EIF4G3: variants seen among roughly 807,000 people sequenced by gnomAD.
The protein encoded by EIF4G3 is eIF-4-gamma 3.
In EIF4G3, 34 loss-of-function variants were observed where a neutral mutation model predicts 186.4. The observed-to-expected ratio is 0.18, with a 90% confidence interval of 0.14 to 0.24. The LOEUF is 0.24. Among genes scored for constraint, EIF4G3 ranks in the 10% least tolerant of loss-of-function variants. EIF4G3 has a pLI of 1.00. For synonymous variants in EIF4G3, 673 were observed against 679.5 expected, an observed-to-expected ratio of 0.99 and a Z score of 0.15; for missense variants, 1,536 against 1,948.5, an observed-to-expected ratio of 0.79 and a Z score of 3.99.
intron 15 of EIF4G3, among the ~76,000 whole-genome samples, chr1:20,902,842 T>C (rs1307196605): frequency 6.6e-6 from 1 of 152,172 alleles, no homozygotes; most frequent in African/African-American, 2.4e-5. Context: ...GGTTTCGTCA[T>C]GTTGGCCAGG....
At chr1:20,882,201 AC>A (rs1558058891) in intron 19 of EIF4G3, among the ~76,000 whole-genome samples, 33 of 151,904 alleles carry the variant, frequency 2.2e-4, no homozygotes, top group East Asian at 3.9e-4. Flanking sequence ...ACACACACAC[AC>A]ACACACACAC....
intron 30 of EIF4G3, among the ~76,000 whole-genome samples, chr1:20,839,255 G>A (rs1386687946): frequency 1.3e-5 from 2 of 152,114 alleles, no homozygotes. Context: ...GGGATTACAG[G>A]TGTGAGCTAC....
Position 20,825,168 on chromosome 1 carries a change from C to T in EIF4G3, c.4300G>A (p.Glu1434Lys), listed in dbSNP as rs773422813. Reference protein sequence around the residue: ...SHKKVGALWREADLSWKDFLP... With the variant: ...SHKKVGALWRKADLSWKDFLP... ...AAGTCCTTCCAGCTGAGGTCAGCCT[C>T]CCTCCATAAGGCTCCCACTTTCTTA... Residue 1434 changes from glutamate to lysine, a missense_variant, in exon 33 of 37, where the codon GAG becomes AAG. Coordinates refer to ENST00000602326, the MANE Select transcript of EIF4G3 (RefSeq NM_001391906.1). 9 of 1,612,482 alleles carry T rather than the reference C, an allele frequency of 5.6e-6. No individual in the cohort carries two copies. The highest frequency in any genetic ancestry group is 1.7e-5 in the Admixed American group (1 of 59,848).
At position 20,941,664 on chromosome 1, in the gene EIF4G3, G is replaced by T. The variant is rs1287990374; in HGVS notation, c.1490C>A (p.Ser497Tyr). 1 of 1,613,866 alleles carries T rather than the reference G, an allele frequency of 6.2e-7. No homozygotes were observed. Among genetic ancestry groups the T allele is most frequent in the African/African-American group, 1.3e-5 (1 of 75,020 alleles). Residue 497 changes from serine to tyrosine, a missense_variant, in exon 14 of 37, where the codon TCT (serine) becomes TAT (tyrosine). Physicochemically the swap from Ser to Tyr is moderately radical, Grantham distance 144. Around this residue, in one of 11 missense-constraint regions of EIF4G3, gnomAD observed 560 missense variants for 547.8 expected, o/e 1.02. Transcript: ENST00000602326. The part of the protein sequence containing the change: ...IVPAAATTVS[S>Y]PSAAITVQRV... ...CTGGACTGTGATGGCAGCACTCGGA[G>T]AACTAACAGTAGTGGCAGCAGCAGG...
intron 3 of EIF4G3, among the ~76,000 whole-genome samples, chr1:21,080,669 C>G (rs962019622): frequency 9.2e-5 from 14 of 152,050 alleles, no homozygotes; most frequent in African/African-American, 2.9e-4. Flanking sequence ...GCCACCATGC[C>G]CGGCTAATTT....
intron 3 of EIF4G3, among the ~76,000 whole-genome samples, chr1:21,068,535 GCA>G (rs750273115): frequency 6.6e-5 from 10 of 152,018 alleles, no homozygotes; most frequent in Admixed American, 2.6e-4. Flanking sequence ...AAAGCATTTA[GCA>G]CAGTGTCTGG....
chr1:20,985,089 C>A (rs1304033437), intron 7 of EIF4G3, among the ~76,000 whole-genome samples: 1 of 152,092 alleles, frequency 6.6e-6, no homozygotes, highest in Non-Finnish European at 1.5e-5. Flanking sequence ...AAATGGAATA[C>A]CCCCATATTT....
intron 7 of EIF4G3, among the ~76,000 whole-genome samples, chr1:20,984,363 A>C (rs1438006569): frequency 6.6e-6 from 1 of 151,714 alleles, no homozygotes; most frequent in Non-Finnish European, 1.5e-5. Flanking sequence ...ACGGGGTTTC[A>C]CCATATTGGC....
At chr1:20,909,119 T>C (rs1228867602) in intron 14 of EIF4G3, among the ~76,000 whole-genome samples, 2 of 150,778 alleles carry the variant, frequency 1.3e-5, no homozygotes, top group Admixed American at 1.3e-4. Context: ...GCCACTGCAC[T>C]CCAGCCTGGG....
intron 14 of EIF4G3, among the ~76,000 whole-genome samples, chr1:20,919,965 G>A (rs1470066688): frequency 2.8e-5 from 4 of 145,372 alleles, no homozygotes; most frequent in African/African-American, 9.8e-5. Context: ...GGAGTGCAAT[G>A]GCGCAATCTG....
At chr1:21,132,729 C>T (rs2097175738) in intron 2 of EIF4G3, among the ~76,000 whole-genome samples, 1 of 152,016 alleles carries the variant, frequency 6.6e-6, no homozygotes, top group Non-Finnish European at 1.5e-5. Flanking sequence ...CATGAGCTAC[C>T]ATGCCCAGCT....
rs1447732216 is a variant in EIF4G3 at position 21,063,331 on chromosome 1, G to T, written c.-195-12337C>A. On this transcript the variant is annotated intron_variant, in intron 3 of 36. Transcript: ENST00000602326. ...ACACTTTGAGAACAACAAGGGTTCA[G>T]ATCAAAAGTTAGAGGCAGTATTTTG... Among the ~76,000 whole-genome samples the T allele has an allele frequency of 2.0e-5, 3 of 152,278 alleles. No individual in the cohort carries two copies. The East Asian group carries it at 5.8e-4, about 29-fold the overall frequency.
chr1:20,896,557 C>G (rs1222632597), intron 16 of EIF4G3, among the ~76,000 whole-genome samples: 2 of 151,550 alleles, frequency 1.3e-5, no homozygotes, highest in Non-Finnish European at 2.9e-5. Context: ...AATTAAAAAG[C>G]TTATCAAGTA....
intron 12 of EIF4G3, among the ~76,000 whole-genome samples, chr1:20,962,339 A>G (rs1416499507): frequency 2.6e-5 from 4 of 152,194 alleles, no homozygotes; most frequent in African/African-American, 9.7e-5. Context: ...TCTTACAATA[A>G]TGTAAGCTAG....
intron 2 of EIF4G3, among the ~76,000 whole-genome samples, chr1:21,115,955 C>T (rs2096813233): frequency 6.6e-6 from 1 of 152,026 alleles, no homozygotes; most frequent in Non-Finnish European, 1.5e-5. Context: ...AACTCCTGGC[C>T]TTAACCAATC....
chr1:21,023,293 C>A (rs1008675237), intron 4 of EIF4G3, among the ~76,000 whole-genome samples: 6 of 139,906 alleles, frequency 4.3e-5, no homozygotes, highest in Middle Eastern at 3.8e-3. Flanking sequence ...GTCTCCCTCT[C>A]TTTCCACGTC....
chr1:21,090,189 T>C (rs2096139015), intron 2 of EIF4G3, among the ~76,000 whole-genome samples: 1 of 152,230 alleles, frequency 6.6e-6, no homozygotes, highest in Admixed American at 6.5e-5. Context: ...TGGTATGCAA[T>C]ACTGAATTAA....
In EIF4G3 at chr1:21,112,087, G is replaced by C. The variant is rs552838257; in HGVS notation, c.-271-22874C>G. 2.6e-5 allele frequency among the ~76,000 whole-genome samples: 4 copies of C among 152,204 alleles called. No individual in the cohort carries two copies. The South Asian group carries it at 8.3e-4, about 32-fold the overall frequency. ...TTATTAGCAAGACTCTTCTCCAAAG[G>C]CCTCCACTTACACTTTTTAATTAAG... On this transcript the variant is annotated intron_variant, in intron 2 of 36. Transcript: ENST00000602326.
intron 29 of EIF4G3, chr1:20,847,777 A>G (rs2071654765): frequency 2.1e-6 from 1 of 471,528 alleles, no homozygotes; most frequent in Non-Finnish European, 4.4e-6. Flanking sequence ...ACTTTGGTAC[A>G]TTTCCAACAG....
Sources: allele counts gnomAD v4.1 joint callset (sites outside exome capture counted in the v4.1 genomes callset), GRCh38; gene constraint gnomAD v4.1.1; regional missense constraint gnomAD v4.1.1; transcripts MANE v1.5; gene names NCBI Gene and HGNC (gene_info 2026-07-23, HGNC 2026-07-21).